The following UBE2H variants were observed in gnomAD, a reference collection of about 807,000 sequenced individuals.
UBE2H encodes the protein ubiquitin-conjugating enzyme E2 H.
In UBE2H, 3 loss-of-function variants were observed where a neutral mutation model predicts 29.0. The ratio of observed to expected loss-of-function variants is 0.10; its 90% confidence interval spans 0.05 to 0.27. UBE2H has a LOEUF of 0.27. UBE2H is among the 10% of genes least tolerant of loss of function. The pLI, the probability that UBE2H is intolerant of heterozygous loss-of-function variation, is 1.00. For synonymous variants in UBE2H, 69 were observed against 82.9 expected (o/e 0.83, Z 0.91); for missense variants, 68 against 228.2 (o/e 0.30, Z 4.52).
At chr7:129,848,921 T>C (rs1805560062) in intron 5 of UBE2H, among the ~76,000 whole-genome samples, 1 of 147,406 alleles carries the variant, frequency 6.8e-6, no homozygotes, top group Admixed American at 7.0e-5. Context: ...TAATTTGGAG[T>C]TAACAGATTT....
At position 129,887,383 on chromosome 7, in the gene UBE2H, G is replaced by A. The variant is rs150895986; in HGVS notation, c.54-6412C>T. Among the ~76,000 whole-genome samples, 29 of 151,528 alleles carry A rather than the reference G, an allele frequency of 1.9e-4. No homozygotes were observed. In the East Asian group the frequency reaches 5.5e-3, roughly 29 times the overall value. ...ATTACAGGTGCACACCACCACACCC[G>A]GCTAATTTTTGTATTTTTAGTAGAG... On this transcript the variant is annotated intron_variant, in intron 1 of 6. Coordinates refer to ENST00000355621, the MANE Select transcript of UBE2H (RefSeq NM_003344.4).
intron 3 of UBE2H, 94 bp downstream of exon 3, chr7:129,879,474 C>T (rs1806211683): frequency 8.5e-7 from 1 of 1,179,082 alleles, no homozygotes; most frequent in African/African-American, 1.5e-5. Context: ...AATTAGACAG[C>T]CATTTCTGGC....
chr7:129,860,257 A>C (rs1208756518), intron 3 of UBE2H, among the ~76,000 whole-genome samples: 1 of 152,224 alleles, frequency 6.6e-6, no homozygotes, highest in East Asian at 1.9e-4. Context: ...TTTTGTTTTT[A>C]AATGCTCTGT....
Position 129,859,943 on chromosome 7 carries a change from T to G in UBE2H, c.206-1002A>C, listed in dbSNP as rs144149779. On this transcript the variant is annotated intron_variant, in intron 3 of 6. Coordinates refer to ENST00000355621, the MANE Select transcript of UBE2H (RefSeq NM_003344.4). ...GTCAGCACCTACACCGCAGGCATTG[T>G]GCTTGGATAGGGTATAAAAATAAGA... 8.5e-5 allele frequency among the ~76,000 whole-genome samples: 13 copies of G among 152,306 alleles called. No individual in the cohort carries two copies. The East Asian group carries it at 2.3e-3, about 27-fold the overall frequency.
At position 129,952,598 on chromosome 7, in the gene UBE2H, C is replaced by T. The variant is rs746878119; in HGVS notation, c.-43G>A. The T allele has an allele frequency of 3.7e-6, 6 of 1,602,836 alleles. No homozygotes were observed. The highest frequency in any genetic ancestry group is 4.3e-6 in the Non-Finnish European group (5 of 1,176,444). On this transcript the variant is annotated 5_prime_UTR_variant, in exon 1 of 7. The change creates a new upstream start codon in the 5' untranslated region. Coordinates refer to ENST00000355621, the MANE Select transcript of UBE2H (RefSeq NM_003344.4). The stretch of plus-strand genomic sequence containing the variant: ...TCTCCCTTCCTCGGCCCGTCTGTCA[C>T]GGGCCCGGGGCCCCGGCTCTGAGGA...
chr7:129,915,925 C>T (rs1422238443), intron 1 of UBE2H, among the ~76,000 whole-genome samples: 1 of 152,166 alleles, frequency 6.6e-6, no homozygotes, highest in Non-Finnish European at 1.5e-5. Flanking sequence ...AATGCAAAGA[C>T]AATCTATAAT....
chr7:129,910,991 C>T (rs527435266), intron 1 of UBE2H, among the ~76,000 whole-genome samples: 29 of 152,146 alleles, frequency 1.9e-4, no homozygotes, highest in Middle Eastern at 6.8e-3. Context: ...AGATTATCTC[C>T]AACAGTCCAG....
intron 3 of UBE2H, among the ~76,000 whole-genome samples, chr7:129,861,734 A>C (rs1024581066): frequency 5.9e-5 from 9 of 152,156 alleles, no homozygotes; most frequent in African/African-American, 2.4e-5. Context: ...TGTAACGAAA[A>C]TACAAAAATT....
intron 1 of UBE2H, among the ~76,000 whole-genome samples, chr7:129,881,418 G>T (rs565980943): frequency 9.2e-5 from 14 of 152,304 alleles, no homozygotes; most frequent in South Asian, 2.1e-4. Context: ...AGGCCTAGGC[G>T]GGTGGATCAC....
chr7:129,931,093 C>T (rs562307735), intron 1 of UBE2H, among the ~76,000 whole-genome samples: 1 of 151,986 alleles, frequency 6.6e-6, no homozygotes, highest in Admixed American at 6.6e-5. Context: ...TGGTGCATGC[C>T]TGTAGTCCCA....
At chr7:129,898,018 TA>T (rs990703094) in intron 1 of UBE2H, among the ~76,000 whole-genome samples, 3 of 152,086 alleles carry the variant, frequency 2.0e-5, no homozygotes, top group African/African-American at 4.8e-5. Context: ...TGCTGCTTTT[TA>T]AAAAAACCCA....
At chr7:129,887,951 T>C (rs1178465732) in intron 1 of UBE2H, among the ~76,000 whole-genome samples, 1 of 152,092 alleles carries the variant, frequency 6.6e-6, no homozygotes, top group African/African-American at 2.4e-5. Context: ...AGAAGCATAC[T>C]CTGCTAACAT....
At chr7:129,879,039 T>C (rs1806203531) in intron 3 of UBE2H, among the ~76,000 whole-genome samples, 1 of 152,172 alleles carries the variant, frequency 6.6e-6, no homozygotes, top group African/African-American at 2.4e-5. Flanking sequence ...AGTACCTCTT[T>C]GTACAACCCC....
intron 1 of UBE2H, among the ~76,000 whole-genome samples, chr7:129,902,398 G>C (rs1584775973): frequency 6.6e-6 from 1 of 152,220 alleles, no homozygotes; most frequent in Non-Finnish European, 1.5e-5. Context: ...CTACTTGGGA[G>C]GCTGAGGCAG....
chr7:129,832,451 GACAC>G lies in UBE2H; in HGVS notation c.*2482_*2485del, dbSNP rs960906367. On this transcript the variant is annotated 3_prime_UTR_variant, in exon 7 of 7. Transcript: ENST00000355621. ...CACCTTCATCACACACACTTAGATG[GACAC>G]ACACACACTCTCGCTCACACTCTCA... The G allele has an allele frequency of 3.3e-5, 5 of 150,182 alleles. No homozygotes were observed. Among genetic ancestry groups the G allele is most frequent in the African/African-American group, 7.4e-5 (3 of 40,616 alleles). The allele number at this position is 150,182 out of a possible 1,614,324, so 9.3% of individuals were successfully genotyped here. A position where few individuals can be genotyped will look rare whatever the true frequency, so the allele number is the denominator to read the frequency against.
intron 1 of UBE2H, among the ~76,000 whole-genome samples, chr7:129,927,396 C>G (rs536518366): frequency 3.3e-5 from 5 of 152,018 alleles, no homozygotes; most frequent in Non-Finnish European, 7.4e-5. Context: ...AAAAATTAGC[C>G]GGGCGTGGTG....
intron 1 of UBE2H, among the ~76,000 whole-genome samples, chr7:129,901,322 CCTCT>C (rs149493393): frequency 0.015 from 2,258 of 152,242 alleles, 30 homozygotes; most frequent in Non-Finnish European, 0.025. Context: ...ACCCTATTTG[CCTCT>C]CTCTATCAAG....
intron 1 of UBE2H, among the ~76,000 whole-genome samples, chr7:129,949,530 T>C (rs1342879950): frequency 6.6e-6 from 1 of 152,060 alleles, no homozygotes; most frequent in Non-Finnish European, 1.5e-5. Context: ...AGAGAAACAA[T>C]GAATGAGTCA....
intron 1 of UBE2H, among the ~76,000 whole-genome samples, chr7:129,939,094 C>T (rs540617225): frequency 2.0e-5 from 3 of 152,284 alleles, no homozygotes; most frequent in South Asian, 2.1e-4. Context: ...CCACCACGCC[C>T]GGCCTCTAGT....
Sources: allele counts gnomAD v4.1 joint callset (sites outside exome capture counted in the v4.1 genomes callset), GRCh38; gene constraint gnomAD v4.1.1; transcripts MANE v1.5; gene names NCBI Gene and HGNC (gene_info 2026-07-23, HGNC 2026-07-21).